The following RYR3 variants were observed in gnomAD, a reference collection of about 807,000 sequenced individuals.
RYR3 encodes ryanodine receptor 3.
Under a neutral mutation model 584.3 loss-of-function variants are expected in RYR3, and 207 were observed. That is an observed-to-expected ratio of 0.35 (90% confidence interval 0.32 to 0.40). RYR3 has a LOEUF of 0.40. Among genes scored for constraint, RYR3 ranks in the 10% least tolerant of loss-of-function variants. The pLI, the probability that RYR3 is intolerant of heterozygous loss-of-function variation, is 1.00. For missense variants in RYR3, 5,616 were observed against 6,089.2 expected, an observed-to-expected ratio of 0.92 and a Z score of 2.59; for synonymous variants, 2,416 against 2,248.5, an observed-to-expected ratio of 1.07 and a Z score of -2.11.
intron 1 of RYR3, among the ~76,000 whole-genome samples, chr15:33,401,493 G>A: frequency 6.6e-6 from 1 of 152,148 alleles, no homozygotes; most frequent in Non-Finnish European, 1.5e-5. Flanking sequence ...ACTGCCAGCT[G>A]AAAACTGTAT....
At position 33,678,180 on chromosome 15, in the gene RYR3, A is replaced by G. The variant is rs145647978; in HGVS notation, c.5860+7624A>G. Among the ~76,000 whole-genome samples the G allele has an allele frequency of 9.2e-5, 14 of 152,294 alleles. No homozygotes were observed. In the East Asian group the frequency reaches 1.7e-3, roughly 19 times the overall value. On this transcript the variant is annotated intron_variant, in intron 38 of 103. Coordinates refer to ENST00000634891, the MANE Select transcript of RYR3 (RefSeq NM_001036.6). ...AGGAAGCTCTTAGTAAATGTTGGCTATACTATTTGATATGGTTTGGCTCTG... is the reference window on the plus strand; with the variant it reads ...AGGAAGCTCTTAGTAAATGTTGGCTGTACTATTTGATATGGTTTGGCTCTG...
chr15:33,724,927 A>C (rs987683776), intron 45 of RYR3, among the ~76,000 whole-genome samples: 126 of 152,190 alleles, frequency 8.3e-4, no homozygotes, highest in African/African-American at 3.0e-3. Flanking sequence ...GAAACCTGGA[A>C]GGGAGCCCAG....
At chr15:33,701,301 A>G (rs1458769152) in intron 42 of RYR3, among the ~76,000 whole-genome samples, 1 of 152,204 alleles carries the variant, frequency 6.6e-6, no homozygotes, top group African/African-American at 2.4e-5. Context: ...ACATGTGGAC[A>G]TTTGTGTTCT....
intron 1 of RYR3, among the ~76,000 whole-genome samples, chr15:33,353,237 A>G (rs976590331): frequency 2.6e-5 from 4 of 152,210 alleles, no homozygotes; most frequent in Non-Finnish European, 5.9e-5. Context: ...CTGTTATTCT[A>G]TATGCCAAGG....
intron 1 of RYR3, among the ~76,000 whole-genome samples, chr15:33,317,028 G>A (rs1187828191): frequency 1.3e-5 from 2 of 152,182 alleles, no homozygotes; most frequent in African/African-American, 4.8e-5. Context: ...AAAAGGCCAG[G>A]TAGGCTCCTC....
intron 64 of RYR3, among the ~76,000 whole-genome samples, chr15:33,779,943 G>A (rs530386001): frequency 6.6e-5 from 10 of 152,274 alleles, no homozygotes; most frequent in East Asian, 1.9e-4. Context: ...CCTGGGAGGC[G>A]GAGCTTGCAG....
intron 3 of RYR3, among the ~76,000 whole-genome samples, chr15:33,504,059 G>A (rs971117310): frequency 5.9e-5 from 9 of 152,228 alleles, no homozygotes; most frequent in Non-Finnish European, 1.2e-4. Flanking sequence ...TCTTGAGATT[G>A]AGCATGCCTG....
chr15:33,538,430 T>A (rs2055519191), intron 5 of RYR3, among the ~76,000 whole-genome samples: 1 of 152,086 alleles, frequency 6.6e-6, no homozygotes, highest in Admixed American at 6.6e-5. Flanking sequence ...GGAGCTGGGG[T>A]TTTACTAATC....
chr15:33,477,684 G>C (rs113055419), intron 2 of RYR3, among the ~76,000 whole-genome samples: 22,180 of 150,046 alleles, frequency 0.15, 4,427 homozygotes, highest in African/African-American at 0.46. Flanking sequence ...GACCATCCTG[G>C]CTAACACGGT....
chr15:33,571,672 TTTAAC>T (rs1382884555), intron 12 of RYR3, among the ~76,000 whole-genome samples: 1 of 152,206 alleles, frequency 6.6e-6, no homozygotes. Context: ...TCTTTGTACT[TTTAAC>T]TTATTTGTGT....
chr15:33,575,302 C>A (rs953537326), intron 12 of RYR3, among the ~76,000 whole-genome samples: 22 of 152,164 alleles, frequency 1.4e-4, no homozygotes, highest in Admixed American at 3.3e-4. Flanking sequence ...TAACTCTCCA[C>A]GCAAAAACAA....
At chr15:33,780,120 A>G (rs2074292110) in intron 64 of RYR3, 91 bp from the exon 65 acceptor site, 1 of 1,499,404 alleles carries the variant, frequency 6.7e-7, no homozygotes, top group South Asian at 1.3e-5. Flanking sequence ...AGGGATGTCC[A>G]TGGATTAATC....
At chr15:33,732,973 GA>G (rs964989088) in intron 48 of RYR3, among the ~76,000 whole-genome samples, 5 of 151,082 alleles carry the variant, frequency 3.3e-5, no homozygotes, top group Admixed American at 3.3e-4. Context: ...GGGCTACCTG[GA>G]AAAAAAAACT....
intron 1 of RYR3, among the ~76,000 whole-genome samples, chr15:33,315,549 C>T (rs1239377640): frequency 6.6e-6 from 1 of 152,104 alleles, no homozygotes; most frequent in Non-Finnish European, 1.5e-5. Context: ...CGGAATATTC[C>T]CACACTCTGG....
chr15:33,852,426 G>A (rs1202459263), intron 94 of RYR3: 1 of 154,158 alleles, frequency 6.5e-6, no homozygotes, highest in Non-Finnish European at 1.4e-5. Flanking sequence ...CTAGGGGATG[G>A]TACAGAACCA....
In RYR3 at chr15:33,865,184, C is replaced by T. The variant is rs574080321; in HGVS notation, c.14571C>T (p.Ala4857=). The change falls in exon 104 of 104, where the codon GCC becomes GCT. Residue 4857 remains alanine (A), a synonymous_variant. Transcript: ENST00000634891. ...AAAGGTGTTGGGATTTCTTCCCAGCCGGTGACTGCTTTCGTAAACAATATG... is the reference window on the plus strand; with the variant it reads ...AAAGGTGTTGGGATTTCTTCCCAGCTGGTGACTGCTTTCGTAAACAATATG... ...YQERCWDFFP[A]GDCFRKQYED... 4.8e-5 allele frequency: 77 copies of T among 1,613,972 alleles called. No homozygotes were observed. In the East Asian group the frequency reaches 8.9e-4, roughly 19 times the overall value.
intron 3 of RYR3, among the ~76,000 whole-genome samples, chr15:33,519,667 C>T (rs1399155584): frequency 1.3e-5 from 2 of 151,456 alleles, no homozygotes; most frequent in African/African-American, 4.9e-5. Flanking sequence ...TAAATCTCCA[C>T]TAGTTATTCC....
chr15:33,846,308 C>T (rs2078720898), intron 93 of RYR3, among the ~76,000 whole-genome samples: 1 of 152,166 alleles, frequency 6.6e-6, no homozygotes, highest in South Asian at 2.1e-4. Context: ...CATGGCCATC[C>T]CAGATGCACT....
chr15:33,809,611 TC>T (rs1208243373), intron 70 of RYR3, among the ~76,000 whole-genome samples: 1 of 52,210 alleles, frequency 1.9e-5, no homozygotes, highest in Non-Finnish European at 4.9e-5. Context: ...TTCCTCTCTC[TC>T]TTTTTTTTTT....
Sources: gnomAD v4.1 joint callset for allele counts (sites outside exome capture counted in the v4.1 genomes callset) on GRCh38, gnomAD v4.1.1 for gene constraint, MANE v1.5 for transcripts, NCBI Gene and HGNC (gene_info 2026-07-23, HGNC 2026-07-21) for gene names.